Variants in HPSE2 observed in about 807,000 individuals in gnomAD.
HPSE2 encodes inactive heparanase-2.
A neutral mutation model predicts 60.5 loss-of-function variants in HPSE2; 38 were observed. The observed-to-expected ratio is 0.63, with a 90% CI of 0.48 to 0.82. The LOEUF (loss-of-function observed/expected upper bound fraction) is 0.82. HPSE2 is among the 40% of genes least tolerant of loss of function. HPSE2 has a pLI of 0.00. For missense variants in HPSE2, 713 were observed against 740.4 expected (o/e 0.96, Z 0.43); for synonymous variants, 295 against 293.2 (o/e 1.01, Z -0.06).
At chr10:98,651,325 T>C (rs1946908909) in intron 6 of HPSE2, among the ~76,000 whole-genome samples, 3 of 152,190 alleles carry the variant, frequency 2.0e-5, no homozygotes, top group Admixed American at 2.0e-4. Context: ...GACAGTCAGT[T>C]CTATATGATG....
intron 3 of HPSE2, among the ~76,000 whole-genome samples, chr10:98,902,072 T>C (rs575228075): frequency 9.2e-5 from 14 of 152,136 alleles, no homozygotes; most frequent in Non-Finnish European, 2.1e-4. Flanking sequence ...TCATCCATTA[T>C]TTTTTTCGGC....
At chr10:99,016,760 C>A (rs946914923) in intron 3 of HPSE2, among the ~76,000 whole-genome samples, 5 of 151,904 alleles carry the variant, frequency 3.3e-5, no homozygotes, top group African/African-American at 1.2e-4. Flanking sequence ...TAGTTAGCTG[C>A]ATTCTTAGGT....
chr10:99,292,616 A>ACAGCTATATTTTAAAATTCTCTAT, the HPSE2 span, among the ~76,000 whole-genome samples: 3 of 152,218 alleles, frequency 2.0e-5, no homozygotes, highest in Non-Finnish European at 4.4e-5. Context: ...AAATTCACTA[A>ACAGCTATATTTTAAAATTCTCTAT]CAGCTATATT....
chr10:99,080,820 T>C (rs1020119594), intron 3 of HPSE2, among the ~76,000 whole-genome samples: 1 of 152,234 alleles, frequency 6.6e-6, no homozygotes, highest in African/African-American at 2.4e-5. Context: ...GCATATACAA[T>C]GAGGTTTTTT....
At chr10:99,165,779 T>A (rs1288317334) in intron 2 of HPSE2, among the ~76,000 whole-genome samples, 2 of 151,926 alleles carry the variant, frequency 1.3e-5, no homozygotes, top group Non-Finnish European at 2.9e-5. Context: ...ACTCCTGACC[T>A]GATCTGCCCA....
chr10:99,004,419 G>A (rs1318727356), intron 3 of HPSE2, among the ~76,000 whole-genome samples: 3 of 151,636 alleles, frequency 2.0e-5, no homozygotes, highest in Non-Finnish European at 4.4e-5. Flanking sequence ...GATCTTTGGT[G>A]TATCGATTAT....
intron 2 of HPSE2, 22 bp downstream of exon 2, chr10:99,232,326 G>A (rs1314511984): frequency 1.3e-6 from 2 of 1,551,108 alleles, no homozygotes; most frequent in South Asian, 2.4e-5. Context: ...CCCAAATAAA[G>A]AATGGTAATC....
At chr10:98,588,169 A>G (rs1199250354) in intron 9 of HPSE2, among the ~76,000 whole-genome samples, 1 of 152,182 alleles carries the variant, frequency 6.6e-6, no homozygotes, top group Non-Finnish European at 1.5e-5. Context: ...TAAATTGTCA[A>G]AGCTTTTCTT....
intron 3 of HPSE2, among the ~76,000 whole-genome samples, chr10:98,886,183 C>T (rs559592979): frequency 6.6e-6 from 1 of 152,136 alleles, no homozygotes; most frequent in Non-Finnish European, 1.5e-5. Flanking sequence ...CATAAATTCT[C>T]ATATATTTCA....
chr10:98,497,182 T>C (rs1341757419), intron 9 of HPSE2, among the ~76,000 whole-genome samples: 1 of 152,210 alleles, frequency 6.6e-6, no homozygotes, highest in Admixed American at 6.5e-5. Flanking sequence ...AAGTCTTCAC[T>C]TAATGTCATC....
intron 3 of HPSE2, among the ~76,000 whole-genome samples, chr10:98,936,451 T>C (rs774557898): frequency 7.0e-6 from 1 of 143,062 alleles, no homozygotes; most frequent in East Asian, 2.0e-4. Context: ...AATCTCCTAA[T>C]CCCCAGATAG....
At chr10:98,654,771 A>G (rs1947013573) in intron 6 of HPSE2, among the ~76,000 whole-genome samples, 1 of 151,786 alleles carries the variant, frequency 6.6e-6, no homozygotes, top group South Asian at 2.1e-4. Flanking sequence ...TTACTTTCTA[A>G]TTTTTTTTGT....
intron 3 of HPSE2, among the ~76,000 whole-genome samples, chr10:99,017,170 C>G (rs1957162076): frequency 6.6e-6 from 1 of 152,068 alleles, no homozygotes; most frequent in Non-Finnish European, 1.5e-5. Context: ...GGGTTTGTCA[C>G]ACATAGCTCT....
intron 9 of HPSE2, among the ~76,000 whole-genome samples, chr10:98,555,183 C>A (rs751366328): frequency 2.2e-4 from 33 of 152,180 alleles, no homozygotes; most frequent in Non-Finnish European, 3.7e-4. Context: ...GTTATGCCCC[C>A]TCTTGAGCCA....
At chr10:98,482,523 C>T (rs1379847887) in intron 11 of HPSE2, 113 bp downstream of exon 11, 1 of 1,326,200 alleles carries the variant, frequency 7.5e-7, no homozygotes, top group South Asian at 1.2e-5. Context: ...CTTTGTCCTA[C>T]TCCATCCCAC....
chr10:98,770,155 G>T (rs1157457253), intron 3 of HPSE2, among the ~76,000 whole-genome samples: 2 of 152,136 alleles, frequency 1.3e-5, no homozygotes, highest in Admixed American at 6.5e-5. Flanking sequence ...AGACTTACTT[G>T]TGAGTCAGCT....
intron 8 of HPSE2, among the ~76,000 whole-genome samples, chr10:98,616,887 G>A (rs1214458722): frequency 1.3e-5 from 2 of 152,110 alleles, no homozygotes; most frequent in Non-Finnish European, 2.9e-5. Flanking sequence ...AACAGGTTTA[G>A]CTTTTCCTTT....
chr10:98,634,451 T>A (rs1946444236), intron 7 of HPSE2, among the ~76,000 whole-genome samples: 2 of 152,226 alleles, frequency 1.3e-5, no homozygotes, highest in Non-Finnish European at 2.9e-5. Flanking sequence ...AAGACTAATA[T>A]TATCATTGTC....
At chr10:98,903,893 C>A (rs1050284657) in intron 3 of HPSE2, among the ~76,000 whole-genome samples, 4 of 152,092 alleles carry the variant, frequency 2.6e-5, no homozygotes, top group African/African-American at 9.7e-5. Flanking sequence ...AGAACAGATT[C>A]TGCCACTAGA....
Sources: allele counts gnomAD v4.1 joint callset (sites outside exome capture counted in the v4.1 genomes callset), GRCh38; gene constraint gnomAD v4.1.1; transcripts MANE v1.5; gene names NCBI Gene and HGNC (gene_info 2026-07-23, HGNC 2026-07-21).